The following RGS22 variants were observed in gnomAD, a reference collection of about 807,000 sequenced individuals.
RGS22 encodes the protein regulator of G protein signaling 22, also known as regulator of G-protein signaling 22.
Under a neutral mutation model 172.9 loss-of-function variants are expected in RGS22, and 148 were observed. That is an observed-to-expected ratio of 0.86 (90% CI 0.75 to 0.98). RGS22 has a LOEUF of 0.98. Ranked by LOEUF, RGS22 falls within the 50% of genes least tolerant of loss-of-function variation. The pLI, the probability that RGS22 is intolerant of heterozygous loss-of-function variation, is 0.00. For missense variants in RGS22, 1,347 were observed against 1,440.8 expected (o/e 0.93, Z 1.05); for synonymous variants, 458 against 480.2 (o/e 0.95, Z 0.60).
chr8:100,065,026 C>T (rs927296864), intron 7 of RGS22, among the ~76,000 whole-genome samples: 1 of 152,172 alleles, frequency 6.6e-6, no homozygotes, highest in Non-Finnish European at 1.5e-5. Context: ...ACATGTCTGA[C>T]GTTAGTGCTT....
At chr8:100,086,310 C>T (rs1265015659) in intron 3 of RGS22, among the ~76,000 whole-genome samples, 3 of 152,094 alleles carry the variant, frequency 2.0e-5, no homozygotes, top group Non-Finnish European at 4.4e-5. Flanking sequence ...AGGATGAATT[C>T]GTTGAGGACC....
intron 3 of RGS22, among the ~76,000 whole-genome samples, chr8:100,092,381 A>C (rs1812651522): frequency 6.6e-6 from 1 of 152,130 alleles, no homozygotes; most frequent in South Asian, 2.1e-4. Context: ...TGTGTCCCCC[A>C]AATTTAATGT....
chr8:100,069,831 C>A (rs775595850), intron 6 of RGS22, among the ~76,000 whole-genome samples: 2 of 151,858 alleles, frequency 1.3e-5, no homozygotes, highest in Non-Finnish European at 2.9e-5. Context: ...CGTGATCGAC[C>A]AGCCTGACCA....
intron 2 of RGS22, among the ~76,000 whole-genome samples, chr8:100,095,560 AG>A (rs1195409677): frequency 6.6e-6 from 1 of 152,216 alleles, no homozygotes; most frequent in Non-Finnish European, 1.5e-5. Flanking sequence ...ATGAAATAAA[AG>A]ATACATATTG....
At chr8:100,045,905 T>C (rs1429566099) in intron 11 of RGS22, among the ~76,000 whole-genome samples, 5 of 151,826 alleles carry the variant, frequency 3.3e-5, no homozygotes, top group African/African-American at 9.7e-5. Flanking sequence ...CACTATAACA[T>C]TGTTTGTAAC....
chr8:100,105,818 G>A, intron 1 of RGS22, 79 bp downstream of exon 1: 3 of 1,277,668 alleles, frequency 2.3e-6, no homozygotes, highest in Non-Finnish European at 3.2e-6. Flanking sequence ...GAGGGCAGGA[G>A]GTAAAGTCCA....
intron 3 of RGS22, 154 bp downstream of exon 3, chr8:100,093,293 A>G: frequency 1.9e-6 from 1 of 516,880 alleles, no homozygotes; most frequent in East Asian, 3.2e-5. Context: ...AATCCAAATG[A>G]TTAACTATGT....
chr8:100,020,378 G>C (rs545070728), intron 14 of RGS22, among the ~76,000 whole-genome samples: 1 of 152,180 alleles, frequency 6.6e-6, no homozygotes, highest in Non-Finnish European at 1.5e-5. Flanking sequence ...TTTTTCATAA[G>C]CTCCTTCATG....
At chr8:100,089,171 T>C (rs1020078720) in intron 3 of RGS22, among the ~76,000 whole-genome samples, 1 of 151,334 alleles carries the variant, frequency 6.6e-6, no homozygotes, top group Admixed American at 6.6e-5. Context: ...ACCATAGATA[T>C]ATATACATAA....
At chr8:100,011,087 A>G (rs1168195702) in intron 14 of RGS22, among the ~76,000 whole-genome samples, 1 of 152,068 alleles carries the variant, frequency 6.6e-6, no homozygotes, top group Non-Finnish European at 1.5e-5. Flanking sequence ...TTTAAAACCT[A>G]TGGAGGGATT....
chr8:100,040,394 G>T (rs1300786850), intron 12 of RGS22, among the ~76,000 whole-genome samples: 8 of 152,064 alleles, frequency 5.3e-5, no homozygotes, highest in African/African-American at 1.9e-4. Context: ...ACCATTTTAG[G>T]AGTATTCCAA....
intron 10 of RGS22, among the ~76,000 whole-genome samples, chr8:100,048,856 T>G (rs1820993813): frequency 6.6e-6 from 1 of 152,164 alleles, no homozygotes; most frequent in South Asian, 2.1e-4. Flanking sequence ...AGAGTTGGTC[T>G]TTAATGGGCA....
chr8:100,016,974 CAG>C, intron 14 of RGS22, among the ~76,000 whole-genome samples: 1 of 120,026 alleles, frequency 8.3e-6, no homozygotes, highest in Non-Finnish European at 1.7e-5. Flanking sequence ...GATTCCTTAC[CAG>C]TCTTTTTTTT....
At chr8:99,991,556 A>G (rs1177442741) in intron 20 of RGS22, among the ~76,000 whole-genome samples, 1 of 152,232 alleles carries the variant, frequency 6.6e-6, no homozygotes, top group Non-Finnish European at 1.5e-5. Flanking sequence ...CAAGAAGACA[A>G]GGTTAGAGAA....
At chr8:100,086,981 T>C (rs115428032) in intron 3 of RGS22, among the ~76,000 whole-genome samples, 232 of 152,254 alleles carry the variant, frequency 1.5e-3, no homozygotes, top group African/African-American at 5.1e-3. Context: ...TATGAGGTGG[T>C]GCCAGCCGTC....
chr8:99,969,664 G>A (rs746498709), intron 23 of RGS22, among the ~76,000 whole-genome samples: 2 of 152,106 alleles, frequency 1.3e-5, no homozygotes, highest in African/African-American at 4.8e-5. Flanking sequence ...AGGGATCAAT[G>A]CAACAAGAAG....
At chr8:100,010,183 T>C (rs1045584652) in intron 14 of RGS22, among the ~76,000 whole-genome samples, 1 of 151,966 alleles carries the variant, frequency 6.6e-6, no homozygotes, top group African/African-American at 2.4e-5. Flanking sequence ...GATAAACTAA[T>C]TTAGAGTTTA....
At chr8:100,096,429 G>A (rs1304944426) in intron 2 of RGS22, among the ~76,000 whole-genome samples, 1 of 152,120 alleles carries the variant, frequency 6.6e-6, no homozygotes, top group African/African-American at 2.4e-5. Context: ...GTTTTTTCAT[G>A]TATTACAGGT....
At chr8:100,034,065 T>G (rs1325176011) in intron 14 of RGS22, among the ~76,000 whole-genome samples, 1 of 152,156 alleles carries the variant, frequency 6.6e-6, no homozygotes, top group African/African-American at 2.4e-5. Flanking sequence ...AAGACAAGGA[T>G]GCCCTCTCTC....
Sources: allele counts gnomAD v4.1 joint callset (sites outside exome capture counted in the v4.1 genomes callset), GRCh38; gene constraint gnomAD v4.1.1; transcripts MANE v1.5; gene names NCBI Gene and HGNC (gene_info 2026-07-23, HGNC 2026-07-21).